The following CSF2RB variants were observed in gnomAD, a reference collection of about 807,000 sequenced individuals.
CSF2RB encodes the protein cytokine receptor common subunit beta.
CSF2RB carries 22 observed loss-of-function variants against 67.2 expected under a neutral mutation model. That is an observed-to-expected ratio of 0.33 (90% CI 0.23 to 0.47). CSF2RB has a LOEUF of 0.47. Ranked by LOEUF, CSF2RB falls within the 20% of genes least tolerant of loss-of-function variation. The pLI is 1.00. For synonymous variants in CSF2RB, 507 were observed against 482.9 expected, an observed-to-expected ratio of 1.05 and a Z score of -0.65; for missense variants, 1,113 against 1,174.5, an observed-to-expected ratio of 0.95 and a Z score of 0.76.
chr22:36,934,566 A>T lies in CSF2RB; in HGVS notation c.1315+572A>T, dbSNP rs982363068. 6.0e-4 allele frequency among the ~76,000 whole-genome samples: 91 copies of T among 152,298 alleles called. 1 individual carries two copies. Among genetic ancestry groups the T allele is most frequent in the South Asian group, 4.1e-4 (2 of 4,830 alleles). On this transcript the variant is annotated intron_variant, in intron 10 of 13. Transcript: ENST00000403662. ...CCGAGTTTCCTGTTACCATGGAAGC[A>T]AGAAAATCTAGAGCCACAGACTGGG...
rs373776410 is a variant in CSF2RB, at chr22:36,935,707, G to A, written c.1464+20G>A. Reference sequence around the variant, plus strand: ...TTCCAGGTAGGAACTGGCTGCGAGGGGCGGAGTGGGGGCTTCTCTGTTCCT... The same window carrying A: ...TTCCAGGTAGGAACTGGCTGCGAGGAGCGGAGTGGGGGCTTCTCTGTTCCT... On this transcript the variant is annotated intron_variant, in intron 12 of 13. Transcript: ENST00000403662. 7.3e-5 allele frequency: 118 copies of A among 1,609,362 alleles called. No individual in the cohort carries two copies. The highest frequency in any genetic ancestry group is 9.4e-5 in the Non-Finnish European group (111 of 1,178,124).
At chr22:36,917,738 C>T (rs193174028) in intron 1 of CSF2RB, among the ~76,000 whole-genome samples, 25 of 152,222 alleles carry the variant, frequency 1.6e-4, no homozygotes, top group African/African-American at 6.0e-4. Flanking sequence ...ACCTGGCCAA[C>T]ATGGTGAAAC....
At position 36,930,526 on chromosome 22, in the gene CSF2RB, C is replaced by A. The variant is rs747307683; in HGVS notation, c.854+16C>A. 6.8e-6 allele frequency: 11 copies of A among 1,612,690 alleles called. No homozygotes were observed. Among genetic ancestry groups the A allele is most frequent in the Non-Finnish European group, 9.3e-6 (11 of 1,179,990 alleles). On this transcript the variant is annotated intron_variant, in intron 7 of 13. Coordinates refer to ENST00000403662, the MANE Select transcript of CSF2RB (RefSeq NM_000395.3). ...CAGATGCAGGGTGAGCATCTTTTTT[C>A]TCCATCCCCTCCCCTCCTCTTGGCC... is the stretch of plus-strand genomic sequence containing the variant.
At chr22:36,924,410 T>C (rs1283781095) in intron 3 of CSF2RB, among the ~76,000 whole-genome samples, 1 of 152,076 alleles carries the variant, frequency 6.6e-6, no homozygotes, top group Non-Finnish European at 1.5e-5. Flanking sequence ...CCACCCACCA[T>C]GCCCTCTCCC....
At position 36,915,739 on chromosome 22, in the gene CSF2RB, C is replaced by T. The variant is rs139395180; in HGVS notation, c.-173+2062C>T. Among the ~76,000 whole-genome samples, 180 of 152,286 alleles carry T rather than the reference C, an allele frequency of 1.2e-3. 1 individual carries two copies. The highest frequency in any genetic ancestry group is 3.7e-3 in the South Asian group (18 of 4,826). On this transcript the variant is annotated intron_variant, in intron 1 of 13. Coordinates refer to ENST00000403662, the MANE Select transcript of CSF2RB (RefSeq NM_000395.3). ...CCTCAAAGTAGCTGAGCTAAGCTGA[C>T]GTCCCCAAGGTAGTGCATAAAGGGT... is the stretch of plus-strand genomic sequence containing the variant.
chr22:36,934,252 C>T (rs1019615374), intron 10 of CSF2RB, among the ~76,000 whole-genome samples: 1 of 152,150 alleles, frequency 6.6e-6, no homozygotes, highest in South Asian at 2.1e-4. Context: ...GTTCTCCACC[C>T]ACTCTTCATG....
At position 36,936,662 on chromosome 22, in the gene CSF2RB, CTCGTGGA is replaced by C. The variant is rs755130994; in HGVS notation, c.1568+13_1568+19del. 9.3e-6 allele frequency: 15 copies of C among 1,607,886 alleles called. No individual in the cohort carries two copies. The highest frequency in any genetic ancestry group is 1.3e-5 in the Non-Finnish European group (15 of 1,175,962). On this transcript the variant is annotated intron_variant, in intron 13 of 13. Coordinates refer to ENST00000403662, the MANE Select transcript of CSF2RB (RefSeq NM_000395.3). Reference sequence around the variant, plus strand: ...TCCCTGAGCTGGAGGGGTGAGTGGGCTCGTGGATCACTCCTGACCTTTGGGGTTCATA... The same window carrying C: ...TCCCTGAGCTGGAGGGGTGAGTGGGCTCACTCCTGACCTTTGGGGTTCATA...
chr22:36,937,921 C>G lies in CSF2RB; in HGVS notation c.2113C>G (p.Pro705Ala), dbSNP rs761895304. ...CATGAGCTCTGGGGACACTGAGGAC[C>G]CTGGAGTGGCCTCTGGTTATGTCTC... is the stretch of plus-strand genomic sequence containing the variant. ...IPMSSGDTED[P>A]GVASGYVSSA... Residue 705 changes from proline (P) to alanine (A), a missense_variant, in exon 14 of 14, where the codon CCT becomes GCT. Pro to Ala is a conservative substitution (Grantham distance 27). Transcript: ENST00000403662. The surrounding 1 kb of genome is among the most constrained non-coding windows in gnomAD (Gnocchi z 4.6). 6.2e-7 allele frequency: 1 copy of G among 1,614,104 alleles called. No homozygotes were observed. Among genetic ancestry groups the G allele is most frequent in the Non-Finnish European group, 8.5e-7 (1 of 1,180,012 alleles).
chr22:36,933,471 T>A (rs949513259), intron 9 of CSF2RB, among the ~76,000 whole-genome samples: 1 of 151,994 alleles, frequency 6.6e-6, no homozygotes, highest in African/African-American at 2.4e-5. Flanking sequence ...ATTCTCAGGG[T>A]CCAGAGTCCA....
rs1801117 is a variant in CSF2RB at position 36,933,957 on chromosome 22, C to T, written c.1278C>T (p.Ser426=). Reference sequence around the variant, plus strand: ...GCACCGGCTACAACGGGATCTGGAGCGAGTGGAGTGAGGCGCGCTCCTGGG... The same window carrying T: ...GCACCGGCTACAACGGGATCTGGAGTGAGTGGAGTGAGGCGCGCTCCTGGG... ...TSRTGYNGIW[S]EWSEARSWDT... The change falls in exon 10 of 14, where the codon AGC becomes AGT. Residue 426 remains serine, a synonymous_variant. Transcript: ENST00000403662. The T allele has an allele frequency of 0.22, 350,079 of 1,612,486 alleles. 39,782 individuals carry two copies. Among genetic ancestry groups the T allele is most frequent in the Middle Eastern group, 0.24 (1,443 of 6,060 alleles).
chr22:36,928,517 C>G (rs1469345580), intron 4 of CSF2RB, among the ~76,000 whole-genome samples: 2 of 152,154 alleles, frequency 1.3e-5, no homozygotes, highest in Non-Finnish European at 2.9e-5. Flanking sequence ...CAGCAGAGAG[C>G]ACTTACATCC....
chr22:36,928,561 C>T (rs1941075774), intron 4 of CSF2RB, among the ~76,000 whole-genome samples: 1 of 152,174 alleles, frequency 6.6e-6, no homozygotes, highest in African/African-American at 2.4e-5. Flanking sequence ...GAAAGCCATC[C>T]CTCAGCAAGC....
intron 1 of CSF2RB, among the ~76,000 whole-genome samples, chr22:36,916,075 G>C (rs900279394): frequency 6.6e-6 from 1 of 152,078 alleles, no homozygotes; most frequent in Non-Finnish European, 1.5e-5. Flanking sequence ...CCATGTTTAA[G>C]ATGTCTTATG....
intron 2 of CSF2RB, chr22:36,922,667 G>A: frequency 2.7e-6 from 1 of 375,710 alleles, no homozygotes; most frequent in South Asian, 2.8e-5. Context: ...TTCTCTCCCT[G>A]CTTCAGCCGC....
chr22:36,929,660 A>T lies in CSF2RB; in HGVS notation c.571A>T (p.Asn191Tyr). The T allele has an allele frequency of 6.2e-7, 1 of 1,614,140 alleles. No homozygotes were observed. Among genetic ancestry groups the T allele is most frequent in the Non-Finnish European group, 8.5e-7 (1 of 1,180,002 alleles). The change falls in exon 6 of 14, where the codon AAC becomes TAC. Residue 191 changes from asparagine to tyrosine, a missense_variant. By Grantham distance (143) the Asn-to-Tyr change is moderately radical. Around this residue, in one of 2 missense-constraint regions of CSF2RB, gnomAD observed 559 missense variants for 656.5 expected, o/e 0.85. Coordinates refer to ENST00000403662, the MANE Select transcript of CSF2RB (RefSeq NM_000395.3). The part of the protein sequence containing the change: ...SWEDAAILLS[N>Y]TSQATLGPEH... The stretch of plus-strand genomic sequence containing the variant: ...ACAGGACGCAGCCATCCTCCTCTCC[A>T]ACACCTCCCAGGCCACCCTGGGGCC...
chr22:36,930,303 C>A, intron 6 of CSF2RB, 72 bp from the exon 7 acceptor site: 3 of 1,605,138 alleles, frequency 1.9e-6, no homozygotes, highest in South Asian at 2.2e-5. Context: ...TGATGAATCA[C>A]ACGGTGGGCA....
At chr22:36,936,803 G>A (rs1004860353) in intron 13 of CSF2RB, 151 bp downstream of exon 13, 11 of 644,288 alleles carry the variant, frequency 1.7e-5, no homozygotes, top group African/African-American at 3.6e-5. Flanking sequence ...AGGCACCTGG[G>A]GGGGATGTGA....
At chr22:36,924,600 AT>A (rs1412160396) in intron 3 of CSF2RB, among the ~76,000 whole-genome samples, 2 of 151,768 alleles carry the variant, frequency 1.3e-5, no homozygotes, top group Non-Finnish European at 2.9e-5. Context: ...CTTTCCAGCC[AT>A]TTCCTCCTGG....
At chr22:36,922,990 C>T (rs1940914615) in intron 2 of CSF2RB, among the ~76,000 whole-genome samples, 1 of 152,160 alleles carries the variant, frequency 6.6e-6, no homozygotes, top group South Asian at 2.1e-4. Flanking sequence ...TGCCCAGGAA[C>T]AGCACACTGC....
Sources: gnomAD v4.1 joint callset for allele counts (sites outside exome capture counted in the v4.1 genomes callset) on GRCh38, gnomAD v4.1.1 for gene constraint, gnomAD v4.1.1 regional missense constraint, Gnocchi (gnomAD v3.1) non-coding constraint, MANE v1.5 for transcripts, NCBI Gene and HGNC (gene_info 2026-07-23, HGNC 2026-07-21) for gene names.